The following LPP variants were observed in gnomAD, a reference collection of about 807,000 sequenced individuals.
The protein encoded by LPP is LIM domain containing preferred translocation partner in lipoma, also known as lipoma-preferred partner.
In LPP, 38 loss-of-function variants were observed where a neutral mutation model predicts 60.4. The observed-to-expected ratio is 0.63, with a 90% CI of 0.49 to 0.83. The LOEUF (loss-of-function observed/expected upper bound fraction) is 0.83. LPP is among the 40% of genes least tolerant of loss of function. The pLI is 0.00. For synonymous variants in LPP, 328 were observed against 290.8 expected, an observed-to-expected ratio of 1.13 and a Z score of -1.30; for missense variants, 902 against 783.6, an observed-to-expected ratio of 1.15 and a Z score of -1.80.
Position 188,511,918 on chromosome 3 carries a change from T to C in LPP, c.307-12747T>C, listed in dbSNP as rs559339695. 2.0e-5 allele frequency among the ~76,000 whole-genome samples: 3 copies of C among 152,322 alleles called. No individual in the cohort carries two copies. In the South Asian group the frequency reaches 6.2e-4, roughly 32 times the overall value. Reference sequence around the variant, plus strand: ...GCTGCCTAGTAATATTGCTGGCTTGTAGGATATTTCCTGTTTTATATGTTC... The same window carrying C: ...GCTGCCTAGTAATATTGCTGGCTTGCAGGATATTTCCTGTTTTATATGTTC... On this transcript the variant is annotated intron_variant, in intron 5 of 11. Coordinates refer to ENST00000617246, the MANE Select transcript of LPP (RefSeq NM_001375462.1).
intron 7 of LPP, 134 bp from the exon 8 acceptor site, chr3:188,708,133 T>G: frequency 1.1e-6 from 1 of 917,796 alleles, no homozygotes; most frequent in Non-Finnish European, 1.6e-6. Context: ...TAAAACTAAT[T>G]CTAAAACCCA....
At chr3:188,800,430 A>G (rs1408666141) in intron 9 of LPP, among the ~76,000 whole-genome samples, 2 of 151,774 alleles carry the variant, frequency 1.3e-5, no homozygotes, top group Non-Finnish European at 2.9e-5. Context: ...TATTTTTAGT[A>G]GAGGTGGGGT....
chr3:188,605,248 T>C (rs987303459), intron 6 of LPP, among the ~76,000 whole-genome samples: 2 of 152,262 alleles, frequency 1.3e-5, no homozygotes, highest in Admixed American at 6.5e-5. Flanking sequence ...AATGGTGGAA[T>C]CTTGGCATGG....
chr3:188,741,437 T>C (rs1040028), intron 8 of LPP, among the ~76,000 whole-genome samples: 146,533 of 152,148 alleles, frequency 0.96, 70,600 homozygotes, highest in East Asian at 1. Context: ...TTTCCATATA[T>C]ATTTTAGATG....
At chr3:188,266,803 C>G (rs192492098) in intron 2 of LPP, among the ~76,000 whole-genome samples, 2 of 152,196 alleles carry the variant, frequency 1.3e-5, no homozygotes, top group Non-Finnish European at 2.9e-5. Flanking sequence ...TATTTCTTGA[C>G]GCACTTATTT....
intron 9 of LPP, among the ~76,000 whole-genome samples, chr3:188,796,767 A>T (rs1484518239): frequency 2.6e-5 from 4 of 152,188 alleles, no homozygotes; most frequent in African/African-American, 9.7e-5. Flanking sequence ...AGCCAATTCC[A>T]TCTTATCTAC....
At chr3:188,708,534 A>G in intron 8 of LPP, 141 bp downstream of exon 8, 1 of 1,123,868 alleles carries the variant, frequency 8.9e-7, no homozygotes, top group East Asian at 2.4e-5. Flanking sequence ...CCGCACAACT[A>G]AGTAATTGTA....
intron 7 of LPP, among the ~76,000 whole-genome samples, chr3:188,653,758 T>G (rs937336371): frequency 6.6e-6 from 1 of 152,222 alleles, no homozygotes; most frequent in African/African-American, 2.4e-5. Flanking sequence ...TTTTGTTTCT[T>G]TGCATTTTGA....
chr3:188,278,190 G>T (rs1200619638), intron 2 of LPP, among the ~76,000 whole-genome samples: 1 of 152,202 alleles, frequency 6.6e-6, no homozygotes, highest in African/African-American at 2.4e-5. Context: ...GATGGATGAG[G>T]TATGGATGGA....
intron 7 of LPP, among the ~76,000 whole-genome samples, chr3:188,662,143 T>C (rs1560027228): frequency 1.3e-5 from 2 of 152,254 alleles, no homozygotes; most frequent in South Asian, 2.1e-4. Flanking sequence ...ATAGTGCTTT[T>C]CTATTTTTTC....
intron 4 of LPP, among the ~76,000 whole-genome samples, chr3:188,443,775 G>C (rs1794601676): frequency 6.6e-6 from 1 of 152,200 alleles, no homozygotes; most frequent in Admixed American, 6.5e-5. Context: ...GAATTGGGTT[G>C]CCATCAGAAC....
At chr3:188,778,029 C>T (rs1738388415) in intron 9 of LPP, among the ~76,000 whole-genome samples, 1 of 152,156 alleles carries the variant, frequency 6.6e-6, no homozygotes, top group African/African-American at 2.4e-5. Flanking sequence ...GCTGTTAACA[C>T]ATCAAAATAG....
chr3:188,857,330 C>A (rs1220434209), intron 9 of LPP, among the ~76,000 whole-genome samples: 1 of 152,216 alleles, frequency 6.6e-6, no homozygotes. Flanking sequence ...AGAAAGATAT[C>A]TGAGAAACTT....
At chr3:188,804,243 T>TATA (rs1553853278) in intron 9 of LPP, among the ~76,000 whole-genome samples, 5 of 37,698 alleles carry the variant, frequency 1.3e-4, no homozygotes, top group African/African-American at 5.7e-4. Context: ...TAGTGCATCT[T>TATA]TATATATATA....
At position 188,769,327 on chromosome 3, in the gene LPP, C is replaced by G. The variant is rs981943615; in HGVS notation, c.1410+9045C>G. On this transcript the variant is annotated intron_variant, in intron 9 of 11. Coordinates refer to ENST00000617246, the MANE Select transcript of LPP (RefSeq NM_001375462.1). ...TGAATAGTTACTACACTCTCCTTTG[C>G]TAGTGGTATTTATTTAGCCCTTTCA... 2.0e-5 allele frequency among the ~76,000 whole-genome samples: 3 copies of G among 152,248 alleles called. No homozygotes were observed. The South Asian group carries it at 6.2e-4, about 32-fold the overall frequency.
At chr3:188,845,226 T>C (rs1451454473) in intron 9 of LPP, among the ~76,000 whole-genome samples, 1 of 152,170 alleles carries the variant, frequency 6.6e-6, no homozygotes, top group African/African-American at 2.4e-5. Flanking sequence ...TCAGAATGCT[T>C]ATTAAGTGAC....
At chr3:188,373,870 G>A (rs1291873748) in intron 3 of LPP, among the ~76,000 whole-genome samples, 2 of 151,922 alleles carry the variant, frequency 1.3e-5, no homozygotes, top group African/African-American at 4.8e-5. Flanking sequence ...AATCCATCTT[G>A]AATTAATTTT....
chr3:188,452,244 G>A (rs763790456), intron 4 of LPP, among the ~76,000 whole-genome samples: 3 of 152,218 alleles, frequency 2.0e-5, no homozygotes, highest in South Asian at 4.2e-4. Flanking sequence ...ATATCCCTCC[G>A]TATCCTTCTC....
intron 7 of LPP, among the ~76,000 whole-genome samples, chr3:188,641,943 G>A (rs944024132): frequency 7.9e-5 from 12 of 152,112 alleles, no homozygotes; most frequent in African/African-American, 2.4e-4. Context: ...GCTGGTTACC[G>A]GATGGAACGG....
Sources: gnomAD v4.1 joint callset for allele counts (sites outside exome capture counted in the v4.1 genomes callset) on GRCh38, gnomAD v4.1.1 for gene constraint, MANE v1.5 for transcripts, NCBI Gene and HGNC (gene_info 2026-07-23, HGNC 2026-07-21) for gene names.